Variants in DLG2 observed in about 807,000 individuals in gnomAD.
DLG2 encodes discs large MAGUK scaffold protein 2, also known as disks large homolog 2.
Under a neutral mutation model 132.5 loss-of-function variants are expected in DLG2, and 45 were observed. That is an observed-to-expected ratio of 0.34 (90% CI 0.27 to 0.44). The LOEUF is 0.44. DLG2 is among the 20% of genes least tolerant of loss of function. DLG2 has a pLI of 1.00. For synonymous variants in DLG2, 424 were observed against 419.6 expected (o/e 1.01, Z -0.13); for missense variants, 1,045 against 1,196.9 (o/e 0.87, Z 1.87).
At chr11:84,989,785 T>A (rs1027635629) in intron 6 of DLG2, among the ~76,000 whole-genome samples, 1 of 152,134 alleles carries the variant, frequency 6.6e-6, no homozygotes, top group South Asian at 2.1e-4. Flanking sequence ...CATAGATTAA[T>A]TGAACAGAAT....
intron 18 of DLG2, among the ~76,000 whole-genome samples, chr11:83,665,521 T>C (rs947801230): frequency 2.0e-5 from 3 of 152,220 alleles, no homozygotes; most frequent in African/African-American, 7.2e-5. Flanking sequence ...ACTCTCCCTC[T>C]GCAGGGATGA....
In DLG2 at chr11:83,530,456, T is replaced by G. The variant is rs77985158; in HGVS notation, c.2193+2252A>C. On this transcript the variant is annotated intron_variant, in intron 21 of 27. Coordinates refer to ENST00000376104, the MANE Select transcript of DLG2 (RefSeq NM_001142699.3). The stretch of plus-strand genomic sequence containing the variant: ...ATGGTGACAGCAATTGACCATAACT[T>G]GTGATTCTGTATGATATTCACAAGC... 6.0e-3 allele frequency among the ~76,000 whole-genome samples: 909 copies of G among 152,050 alleles called. 10 individuals are homozygous for G. The highest frequency in any genetic ancestry group is 0.021 in the African/African-American group (880 of 41,520).
At chr11:84,230,357 C>T (rs2097073992) in intron 8 of DLG2, among the ~76,000 whole-genome samples, 1 of 152,212 alleles carries the variant, frequency 6.6e-6, no homozygotes, top group East Asian at 1.9e-4. Context: ...AATTTAAACT[C>T]CATGAGGGAG....
chr11:84,439,060 A>AC (rs961904017), intron 7 of DLG2, among the ~76,000 whole-genome samples: 2 of 152,210 alleles, frequency 1.3e-5, no homozygotes, highest in African/African-American at 4.8e-5. Context: ...ACAGTGTAAG[A>AC]CAGGACATTG....
At position 85,612,542 on chromosome 11, in the gene DLG2, C is replaced by G. The variant is rs112524108; in HGVS notation, c.-92-13754G>C. Among the ~76,000 whole-genome samples, 11 of 152,290 alleles carry G rather than the reference C, an allele frequency of 7.2e-5. 1 individual carries two copies. Among genetic ancestry groups the G allele is most frequent in the African/African-American group, 2.4e-4 (10 of 41,558 alleles). ...CAGAATCAGGAAGGAGCCATCTATA[C>G]CAATTTTAAGTTAATATGGACTGAA... On this transcript the variant is annotated intron_variant, in intron 2 of 27. Coordinates refer to ENST00000376104, the MANE Select transcript of DLG2 (RefSeq NM_001142699.3).
chr11:84,985,048 T>C (rs1192725000), intron 6 of DLG2, among the ~76,000 whole-genome samples: 1 of 152,054 alleles, frequency 6.6e-6, no homozygotes, highest in East Asian at 1.9e-4. Flanking sequence ...AGGACTTTAC[T>C]ACTACACCAC....
chr11:84,902,370 G>A (rs1317497219), intron 6 of DLG2, among the ~76,000 whole-genome samples: 1 of 152,140 alleles, frequency 6.6e-6, no homozygotes, highest in Non-Finnish European at 1.5e-5. Context: ...TGCCTCTGAG[G>A]TTAAAATGGC....
intron 27 of DLG2, among the ~76,000 whole-genome samples, chr11:83,461,213 G>A (rs774692288): frequency 6.6e-6 from 1 of 151,908 alleles, no homozygotes; most frequent in African/African-American, 2.4e-5. Flanking sequence ...GTTTCACTAT[G>A]TTGGCCAGGC....
chr11:85,400,302 G>A (rs1331210410), intron 3 of DLG2, among the ~76,000 whole-genome samples: 2 of 143,038 alleles, frequency 1.4e-5, no homozygotes, highest in African/African-American at 5.2e-5. Context: ...GAGAGGATGT[G>A]GAGAAATAGG....
At chr11:84,911,103 A>T (rs1168489752) in intron 6 of DLG2, among the ~76,000 whole-genome samples, 2 of 152,154 alleles carry the variant, frequency 1.3e-5, no homozygotes, top group African/African-American at 4.8e-5. Context: ...AATATTCTAG[A>T]ATTCACAAAG....
At chr11:83,849,928 C>A (rs1242136568) in intron 16 of DLG2, among the ~76,000 whole-genome samples, 2 of 152,024 alleles carry the variant, frequency 1.3e-5, no homozygotes, top group African/African-American at 4.8e-5. Context: ...GGTACAAGAG[C>A]TTGAAGAGGT....
intron 6 of DLG2, among the ~76,000 whole-genome samples, chr11:84,858,678 A>C (rs1023116975): frequency 6.6e-6 from 1 of 152,106 alleles, no homozygotes; most frequent in South Asian, 2.1e-4. Context: ...CAAGTACTCA[A>C]TTACTTGAGA....
chr11:85,305,475 A>G lies in DLG2; in HGVS notation c.41-20110T>C, dbSNP rs116895343. On this transcript the variant is annotated intron_variant, in intron 3 of 27. Coordinates refer to ENST00000376104, the MANE Select transcript of DLG2 (RefSeq NM_001142699.3). ...GCTTAGTTGTAAAGTGGTTATCCAG[A>G]GAATCTGAAATAGGCTTTGGATTTC... Among the ~76,000 whole-genome samples, 791 of 152,264 alleles carry G rather than the reference A, an allele frequency of 5.2e-3. 2 individuals are homozygous for G. The highest frequency in any genetic ancestry group is 8.7e-3 in the Non-Finnish European group (590 of 67,990).
At chr11:84,250,260 A>G (rs1258006561) in intron 8 of DLG2, among the ~76,000 whole-genome samples, 2 of 152,122 alleles carry the variant, frequency 1.3e-5, no homozygotes, top group African/African-American at 4.8e-5. Flanking sequence ...TGTGCTTTCT[A>G]TTCCCCACAG....
intron 8 of DLG2, among the ~76,000 whole-genome samples, chr11:84,232,982 AG>A (rs1205880767): frequency 6.6e-6 from 1 of 152,204 alleles, no homozygotes; most frequent in Admixed American, 6.5e-5. Flanking sequence ...CCTGAGCACA[AG>A]TCCAATTTGC....
intron 15 of DLG2, among the ~76,000 whole-genome samples, chr11:83,909,023 T>C (rs1246641227): frequency 1.3e-5 from 2 of 152,204 alleles, no homozygotes; most frequent in Non-Finnish European, 2.9e-5. Flanking sequence ...TGAGCTATCA[T>C]GACCACCCTC....
chr11:83,990,632 G>A (rs992312519), intron 11 of DLG2, among the ~76,000 whole-genome samples: 5 of 152,142 alleles, frequency 3.3e-5, no homozygotes, highest in African/African-American at 1.2e-4. Flanking sequence ...TGATTACAAT[G>A]TACCCGAATA....
intron 19 of DLG2, among the ~76,000 whole-genome samples, chr11:83,567,639 G>A (rs908309685): frequency 1.3e-5 from 2 of 152,168 alleles, no homozygotes; most frequent in African/African-American, 4.8e-5. Context: ...GGCGTAGATT[G>A]CAACAGAGGA....
chr11:83,874,178 G>C (rs1688688886), intron 16 of DLG2, among the ~76,000 whole-genome samples: 2 of 143,290 alleles, frequency 1.4e-5, no homozygotes, highest in South Asian at 2.2e-4. Context: ...AAGAGAAAGA[G>C]AGAAAAAAGG....
Sources: gnomAD v4.1 joint callset for allele counts (sites outside exome capture counted in the v4.1 genomes callset) on GRCh38, gnomAD v4.1.1 for gene constraint, MANE v1.5 for transcripts, NCBI Gene and HGNC (gene_info 2026-07-23, HGNC 2026-07-21) for gene names.